The following HECW1 variants were observed in gnomAD, a reference collection of about 807,000 sequenced individuals.
HECW1 encodes HECT, C2 and WW domain containing E3 ubiquitin protein ligase 1, also known as E3 ubiquitin-protein ligase HECW1.
In HECW1, 61 loss-of-function variants were observed where a neutral mutation model predicts 182.3. That is an observed-to-expected ratio of 0.33 (90% CI 0.27 to 0.41). HECW1 has a LOEUF of 0.41. Among genes scored for constraint, HECW1 ranks in the 10% least tolerant of loss-of-function variants. The pLI, the probability that HECW1 is intolerant of heterozygous loss-of-function variation, is 1.00. For synonymous variants in HECW1, 859 were observed against 832.6 expected, an observed-to-expected ratio of 1.03 and a Z score of -0.55; for missense variants, 1,739 against 2,108.9, an observed-to-expected ratio of 0.82 and a Z score of 3.44.
chr7:43,169,309 C>T (rs975841678), intron 2 of HECW1, among the ~76,000 whole-genome samples: 1 of 152,182 alleles, frequency 6.6e-6, no homozygotes, highest in Non-Finnish European at 1.5e-5. Context: ...GGGCTGGACA[C>T]TTTATTGTCA....
Position 43,509,085 on chromosome 7 carries a change from G to A in HECW1, c.3983G>A (p.Ser1328Asn). 6.2e-7 allele frequency: 1 copy of A among 1,614,126 alleles called. No homozygotes were observed. The highest frequency in any genetic ancestry group is 8.5e-7 in the Non-Finnish European group (1 of 1,179,964). ...SANDTYTVQI[S>N]PMSAFVENHL... ...AATGATACTTACACGGTGCAGATCA[G>A]CCCCATGTCCGCATTTGTAGAAAAC... Residue 1328 changes from serine (S) to asparagine (N), a missense_variant, in exon 24 of 30, where the codon AGC (serine) becomes AAC (asparagine). Ser to Asn is a conservative substitution (Grantham distance 46). Coordinates refer to ENST00000395891, the MANE Select transcript of HECW1 (RefSeq NM_015052.5).
chr7:43,404,007 T>C (rs182283470), intron 7 of HECW1, among the ~76,000 whole-genome samples: 1 of 152,214 alleles, frequency 6.6e-6, no homozygotes, highest in Non-Finnish European at 1.5e-5. Context: ...TGGAAAATTC[T>C]AGAACTCTAT....
At chr7:43,462,367 A>C (rs1326031723) in intron 13 of HECW1, among the ~76,000 whole-genome samples, 1 of 151,432 alleles carries the variant, frequency 6.6e-6, no homozygotes, top group Non-Finnish European at 1.5e-5. Context: ...CTCCATGTAC[A>C]TCTGGCCCTG....
chr7:43,345,221 C>A (rs1455437847), intron 5 of HECW1, among the ~76,000 whole-genome samples: 1 of 152,062 alleles, frequency 6.6e-6, no homozygotes, highest in East Asian at 1.9e-4. Flanking sequence ...ATGTATGTAA[C>A]ATACAACCCA....
At chr7:43,291,558 G>C (rs1805402903) in intron 3 of HECW1, among the ~76,000 whole-genome samples, 1 of 152,166 alleles carries the variant, frequency 6.6e-6, no homozygotes. Flanking sequence ...GCTTAACAAA[G>C]AGTTATTAGC....
intron 24 of HECW1, among the ~76,000 whole-genome samples, chr7:43,529,173 C>T (rs1323448234): frequency 6.6e-6 from 1 of 152,106 alleles, no homozygotes; most frequent in East Asian, 1.9e-4. Flanking sequence ...AATCATTCTA[C>T]AGCCGGCGTT....
At position 43,501,270 on chromosome 7, in the gene HECW1, G is replaced by T; in HGVS notation, c.3579G>T (p.Gly1193=). 6.2e-7 allele frequency: 1 copy of T among 1,610,028 alleles called. No homozygotes were observed. Among genetic ancestry groups the T allele is most frequent in the Non-Finnish European group, 8.5e-7 (1 of 1,178,104 alleles). Residue 1193 remains glycine (G), a synonymous_variant, in exon 21 of 30, where the codon GGG becomes GGT. Transcript: ENST00000395891. ...YVPLQAAFHP[G]YSFSPRCSPC... ...CCCTGCAGGCTGCCTTCCACCCTGG[G>T]TATAGCTTCTCTCCCCGATGTTCAC...
chr7:43,244,864 C>G (rs1799225517), intron 3 of HECW1, among the ~76,000 whole-genome samples: 1 of 152,326 alleles, frequency 6.6e-6, no homozygotes, highest in Middle Eastern at 3.4e-3. Context: ...TTCAGCTAAT[C>G]CTTGAAATAA....
intron 5 of HECW1, among the ~76,000 whole-genome samples, chr7:43,355,332 G>T (rs1209487249): frequency 2.0e-5 from 3 of 152,144 alleles, no homozygotes; most frequent in African/African-American, 7.2e-5. Flanking sequence ...TCTCTAGTAG[G>T]AAGCCCAAAA....
At chr7:43,428,078 G>A (rs185332265) in intron 8 of HECW1, among the ~76,000 whole-genome samples, 2 of 152,160 alleles carry the variant, frequency 1.3e-5, no homozygotes, top group East Asian at 1.9e-4. Context: ...GTGTACACAG[G>A]GGGCAGGAAT....
intron 2 of HECW1, among the ~76,000 whole-genome samples, chr7:43,121,235 G>A (rs1382706845): frequency 6.6e-6 from 1 of 152,134 alleles, no homozygotes; most frequent in Non-Finnish European, 1.5e-5. Context: ...TTATTGTTGA[G>A]TTGAATCACT....
chr7:43,274,464 C>T (rs1484918037), intron 3 of HECW1: 2 of 629,280 alleles, frequency 3.2e-6, no homozygotes, highest in Admixed American at 2.2e-5. Flanking sequence ...ACCTGACCAC[C>T]ATGGGCCGGC....
chr7:43,445,396 G>C lies in HECW1; in HGVS notation c.2224G>C (p.Glu742Gln). The stretch of plus-strand genomic sequence containing the variant: ...CTCCTCGCAAGACGACGAGGAGGAG[G>C]AGAACAGCGCGTTCGAGTCGGTACC... ...VFSSQDDEEE[E>Q]NSAFESVPDS... Residue 742 changes from glutamate to glutamine, a missense_variant, in exon 11 of 30, where the codon GAG becomes CAG. Around this residue, in one of 5 missense-constraint regions of HECW1, gnomAD observed 971 missense variants for 1,029.1 expected, o/e 0.94. Transcript: ENST00000395891. The C allele has an allele frequency of 6.2e-7, 1 of 1,613,688 alleles. No homozygotes were observed.
At chr7:43,419,739 G>T (rs150144065) in intron 8 of HECW1, among the ~76,000 whole-genome samples, 4 of 152,148 alleles carry the variant, frequency 2.6e-5, no homozygotes, top group Non-Finnish European at 4.4e-5. Flanking sequence ...TCCCAATGCC[G>T]TAAAGAAATA....
At chr7:43,434,664 TCCAGTAA>T (rs1374125191) in intron 8 of HECW1, among the ~76,000 whole-genome samples, 1 of 152,126 alleles carries the variant, frequency 6.6e-6, no homozygotes. Flanking sequence ...CTACATGGAC[TCCAGTAA>T]CCATGGCATG....
Position 43,114,290 on chromosome 7 carries a change from A to G in HECW1, c.-133A>G, listed in dbSNP as rs1168319364. 2.2e-6 allele frequency: 3 copies of G among 1,363,478 alleles called. No homozygotes were observed. Among genetic ancestry groups the G allele is most frequent in the Admixed American group, 2.2e-5 (1 of 45,758 alleles). The allele number at this position is 1,363,478 out of a possible 1,614,324, so 84.5% of individuals were successfully genotyped here. On this transcript the variant is annotated 5_prime_UTR_variant, in exon 2 of 30. Coordinates refer to ENST00000395891, the MANE Select transcript of HECW1 (RefSeq NM_015052.5). ...GCAGATGCCCTACCCGAAAAGGCCA[A>G]CCGTTAAAGACCCCGGCAGTGTTGT...
intron 2 of HECW1, among the ~76,000 whole-genome samples, chr7:43,131,728 T>G (rs1786942102): frequency 6.6e-6 from 1 of 152,202 alleles, no homozygotes; most frequent in Non-Finnish European, 1.5e-5. Context: ...TTTAAACCCT[T>G]TTAGTTTTGC....
At chr7:43,207,713 A>T (rs547344303) in intron 2 of HECW1, 1 of 152,134 alleles carries the variant, frequency 6.6e-6, no homozygotes, top group South Asian at 2.1e-4. Context: ...CCAGGTATGA[A>T]TGAGAACATA....
chr7:43,279,344 G>A (rs768919546), intron 3 of HECW1, among the ~76,000 whole-genome samples: 15 of 152,102 alleles, frequency 9.9e-5, no homozygotes, highest in Middle Eastern at 3.2e-3. Flanking sequence ...GTGAGAAGAA[G>A]CATTTTAAAT....
Sources: allele counts gnomAD v4.1 joint callset (sites outside exome capture counted in the v4.1 genomes callset), GRCh38; gene constraint gnomAD v4.1.1; regional missense constraint gnomAD v4.1.1; transcripts MANE v1.5; gene names NCBI Gene and HGNC (gene_info 2026-07-23, HGNC 2026-07-21).